The following OPHN1 variants were observed in gnomAD, a reference collection of about 807,000 sequenced individuals.
OPHN1 encodes oligophrenin 1.
A neutral mutation model predicts 60.7 loss-of-function variants in OPHN1; 11 were observed. That is an observed-to-expected ratio of 0.18 (90% CI 0.11 to 0.30). The LOEUF is 0.30. Ranked by LOEUF, OPHN1 falls within the 10% of genes least tolerant of loss-of-function variation. The pLI is 1.00. For missense variants in OPHN1, 449 were observed against 611.0 expected, an observed-to-expected ratio of 0.73 and a Z score of 2.80; for synonymous variants, 226 against 222.6, an observed-to-expected ratio of 1.02 and a Z score of -0.14.
chrX:68,099,638 T>C (rs1380767264), intron 18 of OPHN1, among the ~76,000 whole-genome samples: 2 of 112,200 alleles, frequency 1.8e-5, no homozygotes, highest in African/African-American at 6.5e-5. Context: ...GTGAGGGCTA[T>C]GGCAAATTAG....
intron 7 of OPHN1, among the ~76,000 whole-genome samples, chrX:68,213,409 A>G (rs2077593775): frequency 1.8e-5 from 2 of 111,238 alleles, no homozygotes; most frequent in Non-Finnish European, 3.8e-5. Context: ...AGTAAATGGA[A>G]TGAAAAAACG....
At chrX:68,081,438 G>A (rs893444417) in intron 19 of OPHN1, among the ~76,000 whole-genome samples, 12 of 111,493 alleles carry the variant, frequency 1.1e-4, no homozygotes, top group Non-Finnish European at 3.8e-5. Flanking sequence ...CTACCTCATA[G>A]GGTTGTTGTG....
intron 5 of OPHN1, among the ~76,000 whole-genome samples, chrX:68,269,478 G>C (rs1205097864): frequency 1.8e-5 from 2 of 111,663 alleles, no homozygotes; most frequent in African/African-American, 6.5e-5. Flanking sequence ...ACAAAAACAA[G>C]AAATGGGGAA....
At chrX:68,243,953 CAT>C (rs1426311273) in intron 5 of OPHN1, among the ~76,000 whole-genome samples, 3 of 111,892 alleles carry the variant, frequency 2.7e-5, no homozygotes, top group Non-Finnish European at 5.6e-5. Context: ...TTATCAAAAA[CAT>C]ATAAATTGAT....
In OPHN1 at chrX:68,206,012, T is replaced by TG. The variant is rs2077558011; in HGVS notation, c.933+560_933+561insC. Among the ~76,000 whole-genome samples, 7 of 45,292 alleles carry TG rather than the reference T, an allele frequency of 1.5e-4. No individual in the cohort carries two copies. In the South Asian group the frequency reaches 3.9e-3, roughly 25 times the overall value. The allele number at this position is 45,292 out of a possible 115,157, so 39.3% of individuals were successfully genotyped here. A position where few individuals can be genotyped will look rare whatever the true frequency, so the allele number is the denominator to read the frequency against. ...TGTGTGTGTGTGTGTGTGTGTGTGT[T>TG]TGTAAAAGATCAGGTTCTTCCAGGT... is the stretch of plus-strand genomic sequence containing the variant. On this transcript the variant is annotated intron_variant, in intron 10 of 24. Transcript: ENST00000355520.
intron 6 of OPHN1, among the ~76,000 whole-genome samples, chrX:68,216,893 T>G (rs1403274797): frequency 8.9e-6 from 1 of 111,985 alleles, no homozygotes; most frequent in Non-Finnish European, 1.9e-5. Context: ...TCAACATCAC[T>G]AATCATCAAG....
At chrX:68,134,393 T>C (rs1288144760) in intron 15 of OPHN1, among the ~76,000 whole-genome samples, 2 of 111,174 alleles carry the variant, frequency 1.8e-5, no homozygotes, top group Non-Finnish European at 3.8e-5. Flanking sequence ...AGGTCTGTGG[T>C]CCTAGATCTA....
chrX:68,324,541 G>A (rs1368348628), intron 2 of OPHN1, among the ~76,000 whole-genome samples: 1 of 106,375 alleles, frequency 9.4e-6, no homozygotes. Flanking sequence ...GAGCCTGGGA[G>A]TTCAAGGCTG....
chrX:68,087,775 G>A (rs1437371301), intron 19 of OPHN1, among the ~76,000 whole-genome samples: 1 of 111,838 alleles, frequency 8.9e-6, no homozygotes, highest in African/African-American at 3.3e-5. Context: ...TCTGGCTAAG[G>A]CTATGTTGAG....
At position 68,422,792 on chromosome X, in the gene OPHN1, AGG is replaced by A. The variant is rs1246828624; in HGVS notation, c.154+10073_154+10074del. Among the ~76,000 whole-genome samples the A allele has an allele frequency of 9.9e-3, 745 of 74,942 alleles. 16 individuals are homozygous for A. The highest frequency in any genetic ancestry group is 0.036 in the African/African-American group (707 of 19,825). The allele number at this position is 74,942 out of a possible 115,157, so 65.1% of individuals were successfully genotyped here. On this transcript the variant is annotated intron_variant, in intron 2 of 24. Transcript: ENST00000355520. ...AGGGAAGAAAGAAAGAGAGAGAGGG[AGG>A]GAGGGAGGGAGGGAGGGAAAAAGAA...
At chrX:68,417,670 A>G (rs1410582634) in intron 2 of OPHN1, among the ~76,000 whole-genome samples, 2 of 112,421 alleles carry the variant, frequency 1.8e-5, no homozygotes, top group Admixed American at 1.9e-4. Flanking sequence ...TAAACATCAC[A>G]TTATTAACTC....
At chrX:68,062,519 G>A (rs1389054081) in intron 21 of OPHN1, among the ~76,000 whole-genome samples, 1 of 112,178 alleles carries the variant, frequency 8.9e-6, no homozygotes, top group Non-Finnish European at 1.9e-5. Context: ...GCAGTGCAGT[G>A]GGCCCAATCG....
At position 68,282,284 on chromosome X, in the gene OPHN1, G is replaced by A. The variant is rs183662686; in HGVS notation, c.312+772C>T. On this transcript the variant is annotated intron_variant, in intron 4 of 24. Transcript: ENST00000355520. The stretch of plus-strand genomic sequence containing the variant: ...AAATGCATATTGCTAAGTCAAATAC[G>A]CCAATCTGAAATGGCTACATACTGT... 3.2e-3 allele frequency among the ~76,000 whole-genome samples: 363 copies of A among 111,855 alleles called. 1 individual carries two copies. Among genetic ancestry groups the A allele is most frequent in the African/African-American group, 0.011 (350 of 30,855 alleles).
chrX:68,220,680 C>A (rs1301135268), intron 6 of OPHN1, among the ~76,000 whole-genome samples: 1 of 91,759 alleles, frequency 1.1e-5, no homozygotes, highest in Non-Finnish European at 2.2e-5. Flanking sequence ...AAGACAAAAA[C>A]CACATGATTA....
chrX:68,428,237 C>G (rs775001999), intron 2 of OPHN1, among the ~76,000 whole-genome samples: 1 of 111,722 alleles, frequency 9.0e-6, no homozygotes, highest in South Asian at 3.8e-4. Flanking sequence ...CTTCAGTTTC[C>G]TCATCTAAAA....
At chrX:68,282,391 AGAAG>A (rs1016325636) in intron 4 of OPHN1, among the ~76,000 whole-genome samples, 4 of 111,881 alleles carry the variant, frequency 3.6e-5, no homozygotes, top group African/African-American at 9.7e-5. Flanking sequence ...TCAGGACTGG[AGAAG>A]GAAGAGAAGG....
At chrX:68,213,613 G>T (rs1273682424) in intron 7 of OPHN1, among the ~76,000 whole-genome samples, 1 of 106,794 alleles carries the variant, frequency 9.4e-6, no homozygotes, top group Admixed American at 1.0e-4. Flanking sequence ...CGGAAGGGGG[G>T]AGGAAAGAGA....
At chrX:68,290,481 C>G (rs980752371) in intron 3 of OPHN1, among the ~76,000 whole-genome samples, 1 of 110,386 alleles carries the variant, frequency 9.1e-6, no homozygotes, top group African/African-American at 3.3e-5. Context: ...CACCTGTAAT[C>G]CCACCTACCC....
At chrX:68,376,271 A>G (rs1271892950) in intron 2 of OPHN1, among the ~76,000 whole-genome samples, 1 of 111,886 alleles carries the variant, frequency 8.9e-6, no homozygotes, top group African/African-American at 3.2e-5. Flanking sequence ...ATTCAATGCA[A>G]TCACTTGGAC....
Sources: allele counts gnomAD v4.1 joint callset (sites outside exome capture counted in the v4.1 genomes callset), GRCh38; gene constraint gnomAD v4.1.1; transcripts MANE v1.5; gene names NCBI Gene and HGNC (gene_info 2026-07-23, HGNC 2026-07-21).